ARAP2: variants seen among roughly 807,000 people sequenced by gnomAD.
ARAP2 encodes the protein ArfGAP with RhoGAP domain, ankyrin repeat and PH domain 2.
ARAP2 carries 148 observed loss-of-function variants against 194.5 expected under a neutral mutation model. The observed-to-expected ratio is 0.76, with a 90% CI of 0.67 to 0.87. ARAP2 has a LOEUF of 0.87. Ranked by LOEUF, ARAP2 falls within the 40% of genes least tolerant of loss-of-function variation. The pLI, the probability that ARAP2 is intolerant of heterozygous loss-of-function variation, is 0.00. For synonymous variants in ARAP2, 695 were observed against 683.5 expected (o/e 1.02, Z -0.26); for missense variants, 2,128 against 1,989.7 (o/e 1.07, Z -1.32).
At chr4:36,044,601 CAT>C (rs1343351792) in intron 5 of ARAP2, among the ~76,000 whole-genome samples, 1 of 151,968 alleles carries the variant, frequency 6.6e-6, no homozygotes, top group Non-Finnish European at 1.5e-5. Flanking sequence ...TAGAGGAAAA[CAT>C]AGCAGAAAAG....
At chr4:36,177,023 T>C (rs986332106) in intron 9 of ARAP2, among the ~76,000 whole-genome samples, 3 of 151,896 alleles carry the variant, frequency 2.0e-5, no homozygotes, top group African/African-American at 2.4e-5. Flanking sequence ...TGAAGGATTT[T>C]AAAAGGAGTT....
At chr4:36,101,396 G>GAT (rs61553104) in intron 27 of ARAP2, among the ~76,000 whole-genome samples, 95,377 of 149,858 alleles carry the variant, frequency 0.64, 32,684 homozygotes, top group South Asian at 0.82. Context: ...AAGTACCAGA[G>GAT]TTTTTTTTTT....
intron 26 of ARAP2, 141 bp downstream of exon 26, chr4:36,114,029 C>G (rs888449994): frequency 4.5e-6 from 3 of 664,328 alleles, no homozygotes; most frequent in Non-Finnish European, 7.8e-6. Flanking sequence ...AAGGCAACCT[C>G]AAACATATAT....
At chr4:36,038,599 A>C (rs1720329278) in intron 5 of ARAP2, among the ~76,000 whole-genome samples, 1 of 152,214 alleles carries the variant, frequency 6.6e-6, no homozygotes, top group Non-Finnish European at 1.5e-5. Flanking sequence ...CAGAAGGCTT[A>C]ATCTTTTTAT....
At chr4:36,132,723 G>A (rs148777839) in intron 20 of ARAP2, among the ~76,000 whole-genome samples, 56 of 151,802 alleles carry the variant, frequency 3.7e-4, no homozygotes, top group Middle Eastern at 6.8e-3. Context: ...TTGAAAATGA[G>A]CACAAATTGT....
At chr4:36,162,552 A>T (rs570438369) in intron 11 of ARAP2, among the ~76,000 whole-genome samples, 1 of 151,886 alleles carries the variant, frequency 6.6e-6, no homozygotes, top group African/African-American at 2.4e-5. Context: ...CCCTTTGTCT[A>T]ATGAACAACG....
At chr4:36,096,362 C>CAAAAAA (rs10632831) in intron 27 of ARAP2, among the ~76,000 whole-genome samples, 10 of 80,942 alleles carry the variant, frequency 1.2e-4, no homozygotes, top group African/African-American at 3.4e-4. Flanking sequence ...GAGACTCTCT[C>CAAAAAA]AAAAAAAAAA....
At chr4:36,082,184 G>A (rs1447722187) in intron 30 of ARAP2, 67 bp downstream of exon 30, 3 of 1,442,422 alleles carry the variant, frequency 2.1e-6, no homozygotes, top group Admixed American at 1.8e-5. Context: ...TGCAATTACT[G>A]AAATTATTCT....
chr4:36,084,566 T>C (rs1730378973), intron 28 of ARAP2, among the ~76,000 whole-genome samples: 1 of 152,130 alleles, frequency 6.6e-6, no homozygotes, highest in Non-Finnish European at 1.5e-5. Context: ...ATTATCCTAA[T>C]TAAAATAGAC....
intron 8 of ARAP2, among the ~76,000 whole-genome samples, chr4:36,179,033 C>T (rs936158926): frequency 6.6e-6 from 1 of 152,258 alleles, no homozygotes; most frequent in South Asian, 2.1e-4. Context: ...ACATTTATAA[C>T]TCTGAACTCA....
At chr4:36,182,385 C>T (rs71624437) in intron 8 of ARAP2, among the ~76,000 whole-genome samples, 36,526 of 151,834 alleles carry the variant, frequency 0.24, 4,953 homozygotes, top group South Asian at 0.33. Context: ...CCAGCTACTT[C>T]GGAGGCTGAG....
chr4:36,065,341 G>T, downstream of ARAP2: 1 of 513,296 alleles, frequency 1.9e-6, no homozygotes, highest in South Asian at 1.5e-5. Context: ...TGGCTGTAGT[G>T]GATCTCAAAG....
At chr4:36,206,484 T>A (rs1376672398) in intron 6 of ARAP2, among the ~76,000 whole-genome samples, 1 of 152,154 alleles carries the variant, frequency 6.6e-6, no homozygotes, top group Non-Finnish European at 1.5e-5. Flanking sequence ...ATGAGTACCT[T>A]TCCCTGTAGA....
At chr4:36,141,937 A>C (rs1206429443) in intron 19 of ARAP2, among the ~76,000 whole-genome samples, 1 of 151,696 alleles carries the variant, frequency 6.6e-6, no homozygotes, top group Non-Finnish European at 1.5e-5. Context: ...TAATAGATCA[A>C]AAGGGAGATG....
intron 27 of ARAP2, among the ~76,000 whole-genome samples, chr4:36,105,437 C>A (rs1022159054): frequency 6.6e-6 from 1 of 151,982 alleles, no homozygotes; most frequent in African/African-American, 2.4e-5. Flanking sequence ...TCTTCTCTAG[C>A]TTTTTTTCTA....
intron 13 of ARAP2, chr4:36,159,800 C>T (rs1733492742): frequency 9.8e-6 from 2 of 204,236 alleles, no homozygotes; most frequent in African/African-American, 2.3e-5. Context: ...TGCTTACATA[C>T]TATGATAATG....
At chr4:36,191,418 G>GA (rs957449713) in intron 7 of ARAP2, among the ~76,000 whole-genome samples, 2 of 151,414 alleles carry the variant, frequency 1.3e-5, no homozygotes, top group African/African-American at 2.4e-5. Context: ...TAGAATAATA[G>GA]AAAAAAATAA....
rs571615084 is a variant in ARAP2, at chr4:36,101,482, T to C, written c.4285+6083A>G. ...TTCCTATACTGTTTTCATTATTACA[T>C]TGAATTATAATAAACATTTCTAAAA... is the stretch of plus-strand genomic sequence containing the variant. On this transcript the variant is annotated intron_variant, in intron 27 of 32. Transcript: ENST00000303965. Among the ~76,000 whole-genome samples the C allele has an allele frequency of 1.4e-4, 22 of 151,958 alleles. No homozygotes were observed. The East Asian group carries it at 1.6e-3, about 11-fold the overall frequency.
intron 20 of ARAP2, among the ~76,000 whole-genome samples, chr4:36,129,675 A>T (rs1724925460): frequency 6.6e-6 from 1 of 151,566 alleles, no homozygotes; most frequent in South Asian, 2.1e-4. Context: ...ACTAATACTT[A>T]CTGGTCATTC....
Sources: allele counts gnomAD v4.1 joint callset (sites outside exome capture counted in the v4.1 genomes callset), GRCh38; gene constraint gnomAD v4.1.1; transcripts MANE v1.5; gene names NCBI Gene and HGNC (gene_info 2026-07-23, HGNC 2026-07-21).